Variants in IMMP2L observed in about 807,000 individuals in gnomAD.
IMMP2L encodes the protein mitochondrial inner membrane protease subunit 2.
In IMMP2L, 18 loss-of-function variants were observed where a neutral mutation model predicts 19.3. The observed-to-expected ratio is 0.93, with a 90% CI of 0.64 to 1.38. The LOEUF is 1.38. IMMP2L is among the 40% of genes most tolerant of loss of function. IMMP2L has a pLI of 0.00. For missense variants in IMMP2L, 233 were observed against 218.2 expected, an observed-to-expected ratio of 1.07 and a Z score of -0.43; for synonymous variants, 76 against 73.0, an observed-to-expected ratio of 1.04 and a Z score of -0.21.
intron 3 of IMMP2L, among the ~76,000 whole-genome samples, chr7:111,175,840 A>T (rs1806999361): frequency 6.6e-6 from 1 of 152,032 alleles, no homozygotes; most frequent in South Asian, 2.1e-4. Context: ...GTGAACAGAC[A>T]TCCCACAGGA....
At chr7:111,546,880 T>C (rs1848976016) in intron 1 of IMMP2L, among the ~76,000 whole-genome samples, 1 of 152,172 alleles carries the variant, frequency 6.6e-6, no homozygotes, top group Non-Finnish European at 1.5e-5. Context: ...AATGAGAAGA[T>C]ATGATCCAAA....
intron 3 of IMMP2L, among the ~76,000 whole-genome samples, chr7:111,135,992 A>G (rs548364340): frequency 5.3e-4 from 81 of 152,168 alleles, no homozygotes; most frequent in Non-Finnish European, 8.2e-4. Context: ...TTACCATTAT[A>G]TAGTAAATAG....
chr7:111,356,640 A>G (rs1438500187), intron 3 of IMMP2L, among the ~76,000 whole-genome samples: 4 of 152,204 alleles, frequency 2.6e-5, no homozygotes, highest in Non-Finnish European at 4.4e-5. Context: ...ACAATGCTAT[A>G]AAGTTAACTT....
chr7:110,928,745 C>G (rs1815150015), intron 4 of IMMP2L, among the ~76,000 whole-genome samples: 1 of 152,094 alleles, frequency 6.6e-6, no homozygotes, highest in Non-Finnish European at 1.5e-5. Flanking sequence ...GGAATATAAT[C>G]TATCCCTCAC....
intron 1 of IMMP2L, among the ~76,000 whole-genome samples, chr7:111,547,510 C>G (rs1040162305): frequency 2.0e-5 from 3 of 150,248 alleles, no homozygotes; most frequent in South Asian, 4.2e-4. Context: ...GTCATACCCC[C>G]CCCCCCTTTT....
intron 3 of IMMP2L, among the ~76,000 whole-genome samples, chr7:110,995,634 CT>C (rs1333679777): frequency 2.6e-5 from 4 of 152,060 alleles, no homozygotes; most frequent in Admixed American, 6.6e-5. Context: ...CTGGTACAAG[CT>C]TGTGAGAATC....
At chr7:111,545,052 C>T (rs1287357959) in intron 1 of IMMP2L, among the ~76,000 whole-genome samples, 1 of 152,104 alleles carries the variant, frequency 6.6e-6, no homozygotes, top group Admixed American at 6.5e-5. Context: ...CAGACTCACA[C>T]ACACACATAC....
intron 5 of IMMP2L, among the ~76,000 whole-genome samples, chr7:110,717,928 G>A (rs546310118): frequency 1.3e-5 from 2 of 152,310 alleles, no homozygotes; most frequent in South Asian, 2.1e-4. Context: ...TGTAAGTTAG[G>A]AGAGATGTAA....
chr7:111,072,724 T>C (rs1403798488), intron 3 of IMMP2L, among the ~76,000 whole-genome samples: 1 of 151,912 alleles, frequency 6.6e-6, no homozygotes, highest in Non-Finnish European at 1.5e-5. Flanking sequence ...TGAAATCCCA[T>C]CTCTACTAAA....
intron 4 of IMMP2L, among the ~76,000 whole-genome samples, chr7:110,942,565 T>G (rs1001190268): frequency 6.6e-6 from 1 of 151,806 alleles, no homozygotes; most frequent in Non-Finnish European, 1.5e-5. Context: ...TGAATATATA[T>G]TTAAAAGGCA....
chr7:111,270,418 A>G (rs1818329549), intron 3 of IMMP2L, among the ~76,000 whole-genome samples: 1 of 152,154 alleles, frequency 6.6e-6, no homozygotes, highest in South Asian at 2.1e-4. Flanking sequence ...AGGACTGAAG[A>G]GTCTAAATGT....
chr7:111,423,018 G>A (rs1040279882), intron 3 of IMMP2L, among the ~76,000 whole-genome samples: 2 of 151,766 alleles, frequency 1.3e-5, no homozygotes, highest in African/African-American at 4.9e-5. Flanking sequence ...GATGGATTAC[G>A]TTTATTGATT....
At position 111,213,522 on chromosome 7, in the gene IMMP2L, G is replaced by C. The variant is rs1047665323; in HGVS notation, c.240-249957C>G. On this transcript the variant is annotated intron_variant, in intron 3 of 5. Transcript: ENST00000405709. This position sits in a 1 kb window ranked among gnomAD's most constrained non-coding sequence, Gnocchi z 4.8. ...CCCTCCAGGGGCCAGGCTGCTGGTC[G>C]TGCAAACCAGAATGGGAACTTGTGG... 2.0e-5 allele frequency among the ~76,000 whole-genome samples: 3 copies of C among 152,152 alleles called. No homozygotes were observed. Among genetic ancestry groups the C allele is most frequent in the Non-Finnish European group, 4.4e-5 (3 of 68,016 alleles).
At chr7:111,173,990 C>T (rs940581723) in intron 3 of IMMP2L, among the ~76,000 whole-genome samples, 2 of 151,646 alleles carry the variant, frequency 1.3e-5, no homozygotes, top group African/African-American at 4.8e-5. Flanking sequence ...CAACATCAAC[C>T]CTTCTCATAA....
chr7:110,811,020 G>T (rs983310050), intron 5 of IMMP2L, among the ~76,000 whole-genome samples: 4 of 151,936 alleles, frequency 2.6e-5, no homozygotes, highest in Non-Finnish European at 5.9e-5. Flanking sequence ...CCATGTTGAG[G>T]ATATGGGGGA....
intron 5 of IMMP2L, among the ~76,000 whole-genome samples, chr7:110,666,751 A>T (rs1310573797): frequency 6.6e-6 from 1 of 152,194 alleles, no homozygotes; most frequent in African/African-American, 2.4e-5. Context: ...TCCCCACAAC[A>T]TTAACACATT....
chr7:111,534,888 A>C (rs1847742201), intron 1 of IMMP2L, among the ~76,000 whole-genome samples: 1 of 152,144 alleles, frequency 6.6e-6, no homozygotes, highest in Non-Finnish European at 1.5e-5. Flanking sequence ...AATAGAATAA[A>C]ATCAACAGAT....
At chr7:111,555,585 G>A (rs956230380) in intron 1 of IMMP2L, among the ~76,000 whole-genome samples, 9 of 152,076 alleles carry the variant, frequency 5.9e-5, no homozygotes, top group Admixed American at 1.3e-4. Flanking sequence ...ATCTGAAGCA[G>A]TGATATGATT....
At chr7:110,667,951 C>T (rs955992198) in intron 5 of IMMP2L, among the ~76,000 whole-genome samples, 2 of 152,114 alleles carry the variant, frequency 1.3e-5, no homozygotes, top group Non-Finnish European at 2.9e-5. Context: ...CTTTTTGAAG[C>T]AGGAAAAAAG....
Sources: gnomAD v4.1 joint callset for allele counts (sites outside exome capture counted in the v4.1 genomes callset) on GRCh38, gnomAD v4.1.1 for gene constraint, Gnocchi (gnomAD v3.1) non-coding constraint, MANE v1.5 for transcripts, NCBI Gene and HGNC (gene_info 2026-07-23, HGNC 2026-07-21) for gene names.